GRM7: variants seen among roughly 807,000 people sequenced by gnomAD.
GRM7 encodes glutamate metabotropic receptor 7.
In GRM7, 35 loss-of-function variants were observed where a neutral mutation model predicts 84.5. The observed-to-expected ratio is 0.41, with a 90% CI of 0.32 to 0.55. GRM7 has a LOEUF of 0.55. Ranked by LOEUF, GRM7 falls within the 20% of genes least tolerant of loss-of-function variation. GRM7 has a pLI of 0.19. For missense variants in GRM7, 1,003 were observed against 1,194.6 expected (o/e 0.84, Z 2.36); for synonymous variants, 487 against 455.1 (o/e 1.07, Z -0.89).
At chr3:6,919,567 C>CT (rs35688405) in intron 1 of GRM7, among the ~76,000 whole-genome samples, 35,663 of 141,372 alleles carry the variant, frequency 0.25, 4,712 homozygotes, top group Non-Finnish European at 0.32. Flanking sequence ...TATTGTTCAT[C>CT]TTTTTTTTTT....
chr3:7,693,738 A>G (rs1700905191), intron 9 of GRM7: 1 of 1,135,708 alleles, frequency 8.8e-7, no homozygotes, highest in Admixed American at 2.0e-5. Context: ...TTTGCTACCC[A>G]GCCCACCAAT....
chr3:7,148,592 G>A (rs6796014), intron 2 of GRM7, among the ~76,000 whole-genome samples: 9,303 of 152,196 alleles, frequency 0.061, 725 homozygotes, highest in African/African-American at 0.17. Context: ...TCTATAGACA[G>A]GTCAATGGTG....
At chr3:7,392,750 T>C (rs763570836) in intron 4 of GRM7, among the ~76,000 whole-genome samples, 2 of 152,162 alleles carry the variant, frequency 1.3e-5, no homozygotes, top group African/African-American at 4.8e-5. Context: ...GAACTTAGCA[T>C]TAAACTATCA....
At chr3:7,121,338 CA>C (rs1693211237) in intron 1 of GRM7, among the ~76,000 whole-genome samples, 1 of 21,812 alleles carries the variant, frequency 4.6e-5, no homozygotes, top group African/African-American at 9.6e-4. Flanking sequence ...TCTATTCATC[CA>C]TCCATCCATC....
intron 4 of GRM7, among the ~76,000 whole-genome samples, chr3:7,359,333 C>CTTTTTT (rs372075812): frequency 2.0e-5 from 2 of 98,526 alleles, no homozygotes; most frequent in African/African-American, 8.9e-5. Context: ...CCCTCCTCCT[C>CTTTTTT]TTTTTTTTTT....
intron 7 of GRM7, among the ~76,000 whole-genome samples, chr3:7,506,481 T>C (rs1269578118): frequency 3.3e-5 from 5 of 152,322 alleles, no homozygotes; most frequent in South Asian, 2.1e-4. Context: ...ATGTCCACAT[T>C]ACTAGGTATT....
In GRM7 at chr3:7,653,916, T is replaced by A. The variant is rs190344610; in HGVS notation, c.2452-26133T>A. 1.2e-4 allele frequency among the ~76,000 whole-genome samples: 18 copies of A among 152,322 alleles called. 1 individual carries two copies. The highest frequency in any genetic ancestry group is 9.8e-4 in the Admixed American group (15 of 15,308). ...CACCTAAAAGATGGGGCCAGGGTTC[T>A]AAGACCAGTGCTGCTTCCAAATCCT... On this transcript the variant is annotated intron_variant, in intron 8 of 9. Transcript: ENST00000357716.
chr3:7,432,634 TAAAAAA>T (rs71625343), intron 5 of GRM7, among the ~76,000 whole-genome samples: 2 of 145,708 alleles, frequency 1.4e-5, no homozygotes, highest in East Asian at 4.1e-4. Context: ...GCATCTAGTT[TAAAAAA>T]AAAAAAAATA....
At chr3:6,888,544 A>G (rs1263137663) in intron 1 of GRM7, among the ~76,000 whole-genome samples, 1 of 151,972 alleles carries the variant, frequency 6.6e-6, no homozygotes, top group Non-Finnish European at 1.5e-5. Flanking sequence ...ATAGCTATAG[A>G]TATGCAGCGT....
rs185417854 is a variant in GRM7 at position 7,323,989 on chromosome 3, T to C, written c.1033+17337T>C. Among the ~76,000 whole-genome samples, 358 of 152,308 alleles carry C rather than the reference T, an allele frequency of 2.4e-3. 2 individuals carry two copies. The highest frequency in any genetic ancestry group is 3.4e-3 in the Middle Eastern group (1 of 294). ...TGGATATTACCACCCTTGCTTTCTT[T>C]AAATCTTTACGGGTGGCACCAATTT... On this transcript the variant is annotated intron_variant, in intron 4 of 9. Transcript: ENST00000357716.
chr3:7,322,799 A>C (rs908815664), intron 4 of GRM7, among the ~76,000 whole-genome samples: 16 of 151,808 alleles, frequency 1.1e-4, no homozygotes, highest in Non-Finnish European at 2.9e-5. Flanking sequence ...TTTATACTCT[A>C]TATAGGGAGT....
At chr3:7,317,610 C>T (rs1019970113) in intron 4 of GRM7, among the ~76,000 whole-genome samples, 2 of 152,018 alleles carry the variant, frequency 1.3e-5, no homozygotes, top group Admixed American at 1.3e-4. Flanking sequence ...ACATCAGTTA[C>T]AGTGTTGGTT....
At chr3:7,729,932 TG>T (rs1375520178) in intron 9 of GRM7, among the ~76,000 whole-genome samples, 2 of 138,288 alleles carry the variant, frequency 1.4e-5, no homozygotes, top group Non-Finnish European at 1.5e-5. Flanking sequence ...TGGAGTACAG[TG>T]GCACGATCTC....
chr3:6,910,639 C>T (rs1253021721), intron 1 of GRM7, among the ~76,000 whole-genome samples: 4 of 152,070 alleles, frequency 2.6e-5, no homozygotes, highest in Non-Finnish European at 4.4e-5. Context: ...GTAGGCCTGG[C>T]TACATGGAGG....
chr3:6,943,297 T>C, intron 1 of GRM7, among the ~76,000 whole-genome samples: 1 of 152,010 alleles, frequency 6.6e-6, no homozygotes, highest in African/African-American at 2.4e-5. Flanking sequence ...CTTTGCCCAA[T>C]ATTTTCTTCT....
intron 7 of GRM7, among the ~76,000 whole-genome samples, chr3:7,476,157 A>C (rs1361090424): frequency 1.3e-5 from 2 of 152,166 alleles, no homozygotes; most frequent in Non-Finnish European, 2.9e-5. Flanking sequence ...CTACCAGTTA[A>C]CTTGCTTCCC....
intron 1 of GRM7, among the ~76,000 whole-genome samples, chr3:7,024,947 G>A (rs540312877): frequency 6.6e-6 from 1 of 152,312 alleles, no homozygotes; most frequent in Non-Finnish European, 1.5e-5. Context: ...AAGTTGAAAT[G>A]GGTCTCATAG....
At chr3:7,400,473 T>C (rs712766) in intron 4 of GRM7, among the ~76,000 whole-genome samples, 123,003 of 152,048 alleles carry the variant, frequency 0.81, 50,383 homozygotes, top group African/African-American at 0.9. Flanking sequence ...TATACCTTTC[T>C]ATAAAGATGT....
chr3:7,269,285 T>G (rs1003078557), intron 2 of GRM7, among the ~76,000 whole-genome samples: 2 of 152,216 alleles, frequency 1.3e-5, no homozygotes, highest in African/African-American at 4.8e-5. Context: ...AAAGCCAAAG[T>G]GGTCACTCTC....
Sources: allele counts gnomAD v4.1 joint callset (sites outside exome capture counted in the v4.1 genomes callset), GRCh38; gene constraint gnomAD v4.1.1; transcripts MANE v1.5; gene names NCBI Gene and HGNC (gene_info 2026-07-23, HGNC 2026-07-21).